Variants in ADCY9 observed in about 807,000 individuals in gnomAD.
The protein encoded by ADCY9 is adenylate cyclase type 9.
A neutral mutation model predicts 101.5 loss-of-function variants in ADCY9; 50 were observed. That is an observed-to-expected ratio of 0.49 (90% CI 0.39 to 0.62). The LOEUF (loss-of-function observed/expected upper bound fraction) is 0.62. Ranked by LOEUF, ADCY9 falls within the 20% of genes least tolerant of loss-of-function variation. ADCY9 has a pLI of 0.00. For missense variants in ADCY9, 1,662 were observed against 1,800.4 expected, an observed-to-expected ratio of 0.92 and a Z score of 1.39; for synonymous variants, 905 against 769.3, an observed-to-expected ratio of 1.18 and a Z score of -2.92.
chr16:4,113,681 G>C, intron 2 of ADCY9, 69 bp downstream of exon 2: 1 of 1,512,548 alleles, frequency 6.6e-7, no homozygotes, highest in East Asian at 2.3e-5. Flanking sequence ...GAGGCTGGAA[G>C]CTTTTTTTTT....
intron 2 of ADCY9, among the ~76,000 whole-genome samples, chr16:4,086,286 G>A (rs1266762579): frequency 1.3e-5 from 2 of 152,138 alleles, no homozygotes; most frequent in Non-Finnish European, 2.9e-5. Context: ...GCCTTCCACA[G>A]AGGGTCCATT....
At chr16:4,035,863 G>C (rs563114784) in intron 2 of ADCY9, among the ~76,000 whole-genome samples, 6 of 152,114 alleles carry the variant, frequency 3.9e-5, no homozygotes, top group Admixed American at 6.6e-5. Context: ...GACAGGCGTG[G>C]TGGCACATGA....
intron 10 of ADCY9, among the ~76,000 whole-genome samples, chr16:3,972,223 CTTTTTCTTTTCT>C (rs2056057931): frequency 7.2e-6 from 1 of 139,492 alleles, no homozygotes; most frequent in Non-Finnish European, 1.6e-5. Context: ...AGAAGAATTT[CTTTTTCTTTTCT>C]TTTTTTTTTT....
At chr16:4,011,289 A>G (rs1377916249) in intron 2 of ADCY9, among the ~76,000 whole-genome samples, 1 of 152,052 alleles carries the variant, frequency 6.6e-6, no homozygotes, top group Non-Finnish European at 1.5e-5. Flanking sequence ...GAACGTGTGG[A>G]GGGAATGGCC....
intron 2 of ADCY9, among the ~76,000 whole-genome samples, chr16:4,042,653 T>C (rs980409775): frequency 1.3e-5 from 2 of 152,166 alleles, no homozygotes; most frequent in Non-Finnish European, 2.9e-5. Flanking sequence ...GAAATGAACA[T>C]ATAGTTATTT....
intron 2 of ADCY9, among the ~76,000 whole-genome samples, chr16:4,023,220 A>G (rs564356181): frequency 6.6e-6 from 1 of 152,372 alleles, no homozygotes; most frequent in African/African-American, 2.4e-5. Flanking sequence ...CGCTGGTGAT[A>G]AAACTGTGAA....
chr16:4,079,785 T>C (rs1214590595), intron 2 of ADCY9, among the ~76,000 whole-genome samples: 3 of 152,068 alleles, frequency 2.0e-5, no homozygotes, highest in African/African-American at 7.2e-5. Flanking sequence ...TTGATATATA[T>C]CGTATATGCA....
At chr16:4,004,634 G>A (rs999973392) in intron 3 of ADCY9, among the ~76,000 whole-genome samples, 8 of 152,152 alleles carry the variant, frequency 5.3e-5, no homozygotes, top group South Asian at 2.1e-4. Flanking sequence ...CACCATGCTC[G>A]ACACTTGGGA....
Position 3,979,005 on chromosome 16 carries a change from A to G in ADCY9, c.2679+111T>C, listed in dbSNP as rs1242106885. On this transcript the variant is annotated intron_variant, in intron 8 of 10. Coordinates refer to ENST00000294016, the MANE Select transcript of ADCY9 (RefSeq NM_001116.4). ...GCTGGGATTACAGGCGTGAGCCACC[A>G]TGCCTGGCCAAAGGGTTTATTTTTA... The G allele has an allele frequency of 1.1e-5, 16 of 1,413,782 alleles. No homozygotes were observed. In the South Asian group the frequency reaches 1.1e-4, roughly 10 times the overall value. 87.6% of individuals were successfully genotyped at this position (1,413,782 alleles called of 1,614,324 possible). A position where few individuals can be genotyped will look rare whatever the true frequency, so the allele number is the denominator to read the frequency against.
chr16:4,104,667 A>G (rs1011351578), intron 2 of ADCY9, among the ~76,000 whole-genome samples: 5 of 152,162 alleles, frequency 3.3e-5, no homozygotes, highest in African/African-American at 1.2e-4. Context: ...AGAATCAAAG[A>G]AAAATATCCA....
At chr16:4,049,467 T>C (rs987336313) in intron 2 of ADCY9, among the ~76,000 whole-genome samples, 9 of 152,110 alleles carry the variant, frequency 5.9e-5, no homozygotes, top group African/African-American at 1.9e-4. Context: ...GCTAATCAAA[T>C]AGTAAACACC....
chr16:4,064,989 G>T (rs527639747), intron 2 of ADCY9, among the ~76,000 whole-genome samples: 4 of 152,284 alleles, frequency 2.6e-5, no homozygotes, highest in African/African-American at 9.6e-5. Context: ...AATACACAGA[G>T]TGACAGAGGG....
At chr16:3,985,501 C>G (rs1481103707) in intron 6 of ADCY9, among the ~76,000 whole-genome samples, 1 of 152,200 alleles carries the variant, frequency 6.6e-6, no homozygotes, top group African/African-American at 2.4e-5. Context: ...CCACGCACGT[C>G]CCCTTTCTGT....
intron 2 of ADCY9, among the ~76,000 whole-genome samples, chr16:4,057,318 A>C (rs2056746617): frequency 6.6e-6 from 1 of 151,910 alleles, no homozygotes; most frequent in Admixed American, 6.6e-5. Flanking sequence ...TTGAGATATA[A>C]TTCACATACC....
rs146436083 is a variant in ADCY9, at chr16:4,089,872, C to T, written c.1693+23878G>A. Among the ~76,000 whole-genome samples, 5 of 152,220 alleles carry T rather than the reference C, an allele frequency of 3.3e-5. No individual in the cohort carries two copies. The East Asian group carries it at 9.6e-4, about 29-fold the overall frequency. On this transcript the variant is annotated intron_variant, in intron 2 of 10. Coordinates refer to ENST00000294016, the MANE Select transcript of ADCY9 (RefSeq NM_001116.4). ...GGACCAGGGCACTTCCCAGAACAGT[C>T]CTCTCCCTGGTGGGATCCTTTTGTT...
At chr16:4,100,165 C>T (rs1245524448) in intron 2 of ADCY9, among the ~76,000 whole-genome samples, 1 of 151,796 alleles carries the variant, frequency 6.6e-6, no homozygotes, top group Non-Finnish European at 1.5e-5. Flanking sequence ...CCTTCGCATG[C>T]TCTCTCTCTC....
intron 2 of ADCY9, among the ~76,000 whole-genome samples, chr16:4,026,693 C>G (rs1227272093): frequency 6.6e-6 from 1 of 152,092 alleles, no homozygotes; most frequent in Non-Finnish European, 1.5e-5. Flanking sequence ...CATGCAGCAT[C>G]CAGGACGAAT....
intron 9 of ADCY9, among the ~76,000 whole-genome samples, chr16:3,977,221 G>A (rs1024002852): frequency 2.6e-5 from 4 of 152,218 alleles, no homozygotes; most frequent in African/African-American, 9.7e-5. Flanking sequence ...TGCAATGGCA[G>A]CATTATGTTT....
At position 4,114,998 on chromosome 16, in the gene ADCY9, C is replaced by T; in HGVS notation, c.445G>A (p.Ala149Thr). ...ACACACACCAGGAGGAAGCACAGCG[C>T]GGGGGCGACCATGACGATCAGTCTG... is the stretch of plus-strand genomic sequence containing the variant. Reference protein sequence around the residue: ...RSRLIVMVAPALCFLLVCVGF... With the variant: ...RSRLIVMVAPTLCFLLVCVGF... The change falls in exon 2 of 11, where the codon GCG (alanine) becomes ACG (threonine). Residue 149 changes from alanine (A) to threonine (T), a missense_variant. Ala to Thr is a moderately conservative substitution (Grantham distance 58, BLOSUM62 0). Transcript: ENST00000294016. This position sits in a 1 kb window ranked among gnomAD's most constrained non-coding sequence, Gnocchi z 4.3. 6.2e-7 allele frequency: 1 copy of T among 1,614,058 alleles called. No homozygotes were observed. The highest frequency in any genetic ancestry group is 8.5e-7 in the Non-Finnish European group (1 of 1,180,022).
Sources: allele counts gnomAD v4.1 joint callset (sites outside exome capture counted in the v4.1 genomes callset), GRCh38; gene constraint gnomAD v4.1.1; non-coding constraint Gnocchi (gnomAD v3.1); transcripts MANE v1.5; gene names NCBI Gene and HGNC (gene_info 2026-07-23, HGNC 2026-07-21).